The following LRFN5 variants were observed in gnomAD, a reference collection of about 807,000 sequenced individuals.
The protein encoded by LRFN5 is leucine-rich repeat and fibronectin type-III domain-containing protein 5.
A neutral mutation model predicts 45.6 loss-of-function variants in LRFN5; 24 were observed. That is an observed-to-expected ratio of 0.53 (90% CI 0.38 to 0.74). The LOEUF (loss-of-function observed/expected upper bound fraction) is 0.74. Ranked by LOEUF, LRFN5 falls within the 30% of genes least tolerant of loss-of-function variation. LRFN5 has a pLI of 0.00. For synonymous variants in LRFN5, 340 were observed against 313.8 expected (o/e 1.08, Z -0.88); for missense variants, 776 against 861.5 (o/e 0.90, Z 1.24).
intron 2 of LRFN5, among the ~76,000 whole-genome samples, chr14:41,826,457 A>T (rs1221005801): frequency 6.6e-6 from 1 of 152,108 alleles, no homozygotes; most frequent in Non-Finnish European, 1.5e-5. Flanking sequence ...CTTCATTCTT[A>T]TCAAATTTTA....
chr14:41,804,509 A>G (rs947457208), intron 2 of LRFN5, among the ~76,000 whole-genome samples: 33 of 152,150 alleles, frequency 2.2e-4, no homozygotes, highest in African/African-American at 8.0e-4. Flanking sequence ...GTAATCATTT[A>G]TGTCTACATC....
intron 4 of LRFN5, chr14:41,892,841 A>G (rs1890828830): frequency 3.0e-6 from 3 of 985,366 alleles, no homozygotes; most frequent in Non-Finnish European, 3.6e-6. Context: ...ATTCCTATGC[A>G]TCTACATGGA....
intron 2 of LRFN5, among the ~76,000 whole-genome samples, chr14:41,860,013 T>C (rs1889606709): frequency 1.3e-5 from 2 of 152,182 alleles, no homozygotes; most frequent in Non-Finnish European, 2.9e-5. Flanking sequence ...CCATCATGCA[T>C]TCCTGTGCTT....
chr14:41,832,052 C>T (rs1329279127), intron 2 of LRFN5, among the ~76,000 whole-genome samples: 1 of 152,096 alleles, frequency 6.6e-6, no homozygotes, highest in Non-Finnish European at 1.5e-5. Context: ...TCTCATCAAA[C>T]TCTAATTACC....
intron 2 of LRFN5, among the ~76,000 whole-genome samples, chr14:41,862,194 G>A (rs1167003552): frequency 1.3e-5 from 2 of 152,130 alleles, no homozygotes; most frequent in Admixed American, 6.5e-5. Flanking sequence ...GTTCTTTATA[G>A]CAGTATGAAT....
At chr14:41,846,768 T>G (rs913562964) in intron 2 of LRFN5, among the ~76,000 whole-genome samples, 13 of 152,174 alleles carry the variant, frequency 8.5e-5, no homozygotes, top group Non-Finnish European at 1.3e-4. Flanking sequence ...GTCTTCTGTT[T>G]ATTCTGATTG....
intron 1 of LRFN5, among the ~76,000 whole-genome samples, chr14:41,658,958 C>T (rs998994321): frequency 6.6e-6 from 1 of 151,904 alleles, no homozygotes; most frequent in African/African-American, 2.4e-5. Flanking sequence ...TTCCTGCCTG[C>T]CTCTCTGTAT....
chr14:41,838,368 CTTGGATAAGAGCTGCAA>C (rs1888737837), intron 2 of LRFN5, among the ~76,000 whole-genome samples: 1 of 152,140 alleles, frequency 6.6e-6, no homozygotes, highest in Non-Finnish European at 1.5e-5. Context: ...ACTCCGTGGA[CTTGGATAAGAGCTGCAA>C]TCCTGGAAGA....
chr14:41,827,122 G>C (rs1010601393), intron 2 of LRFN5, among the ~76,000 whole-genome samples: 1 of 151,934 alleles, frequency 6.6e-6, no homozygotes. Flanking sequence ...ATACCTGAAG[G>C]ATAGAAATTA....
chr14:41,889,114 C>CTA lies in LRFN5; in HGVS notation c.1385+1120_1385+1121dup, dbSNP rs1555330013. Among the ~76,000 whole-genome samples the CTA allele has an allele frequency of 8.8e-4, 130 of 147,004 alleles. 1 individual carries two copies. Among genetic ancestry groups the CTA allele is most frequent in the African/African-American group, 2.1e-3 (83 of 40,042 alleles). ...TATATATGTCTATATATATATGTCT[C>CTA]TATATATATATATATATTCTGTTTA... On this transcript the variant is annotated intron_variant, in intron 3 of 5. Coordinates refer to ENST00000298119, the MANE Select transcript of LRFN5 (RefSeq NM_152447.5).
chr14:41,716,115 A>G (rs183542280), intron 1 of LRFN5, among the ~76,000 whole-genome samples: 3 of 152,158 alleles, frequency 2.0e-5, no homozygotes, highest in African/African-American at 7.2e-5. Flanking sequence ...CAGGACACCA[A>G]GTCTCTAGGC....
intron 2 of LRFN5, among the ~76,000 whole-genome samples, chr14:41,795,575 A>C (rs1594716651): frequency 6.6e-6 from 1 of 152,262 alleles, no homozygotes; most frequent in Admixed American, 6.5e-5. Context: ...GCACATATAC[A>C]CCATGGAATG....
chr14:41,689,764 G>A (rs1008126026), intron 1 of LRFN5, among the ~76,000 whole-genome samples: 7 of 150,320 alleles, frequency 4.7e-5, no homozygotes, highest in Admixed American at 1.3e-4. Context: ...GCGTGATGGC[G>A]GGCGCCTGTA....
At chr14:41,680,270 T>G (rs1881825123) in intron 1 of LRFN5, among the ~76,000 whole-genome samples, 2 of 152,252 alleles carry the variant, frequency 1.3e-5, no homozygotes, top group South Asian at 4.1e-4. Flanking sequence ...TGAACAAACA[T>G]AGGCGGTAGC....
intron 2 of LRFN5, among the ~76,000 whole-genome samples, chr14:41,816,541 C>T (rs1378176408): frequency 1.3e-5 from 2 of 151,914 alleles, no homozygotes; most frequent in African/African-American, 4.8e-5. Flanking sequence ...AGGATAATTT[C>T]ATAGAGTACA....
At chr14:41,670,184 C>T (rs1441674731) in intron 1 of LRFN5, among the ~76,000 whole-genome samples, 1 of 127,912 alleles carries the variant, frequency 7.8e-6, no homozygotes, top group Non-Finnish European at 1.6e-5. Context: ...TACACATTCT[C>T]TATATATATA....
chr14:41,642,011 C>A (rs1330406247), intron 1 of LRFN5, among the ~76,000 whole-genome samples: 3 of 152,054 alleles, frequency 2.0e-5, no homozygotes, highest in African/African-American at 7.2e-5. Flanking sequence ...ACAATGGATT[C>A]TTTTCATGTG....
intron 2 of LRFN5, among the ~76,000 whole-genome samples, chr14:41,885,512 G>A (rs1411571900): frequency 1.3e-5 from 2 of 151,954 alleles, no homozygotes; most frequent in Non-Finnish European, 2.9e-5. Flanking sequence ...ATATACATTC[G>A]TTAAGATTGT....
At chr14:41,710,925 A>G (rs1407633142) in intron 1 of LRFN5, among the ~76,000 whole-genome samples, 1 of 152,106 alleles carries the variant, frequency 6.6e-6, no homozygotes, top group East Asian at 1.9e-4. Context: ...CCATGTACCT[A>G]CAAAGGACAT....
Sources: allele counts gnomAD v4.1 joint callset (sites outside exome capture counted in the v4.1 genomes callset), GRCh38; gene constraint gnomAD v4.1.1; transcripts MANE v1.5; gene names NCBI Gene and HGNC (gene_info 2026-07-23, HGNC 2026-07-21).